RABGAP1L: variants seen among roughly 807,000 people sequenced by gnomAD.
RABGAP1L encodes the protein RAB GTPase activating protein 1 like, also known as rab GTPase-activating protein 1-like.
A neutral mutation model predicts 137.7 loss-of-function variants in RABGAP1L; 63 were observed. That is an observed-to-expected ratio of 0.46 (90% CI 0.37 to 0.56). The LOEUF (loss-of-function observed/expected upper bound fraction) is 0.56, where lower values mean the gene tolerates loss of function less well. Among genes scored for constraint, RABGAP1L ranks in the 20% least tolerant of loss-of-function variants. The probability of loss-of-function intolerance (pLI) is 0.00; values close to 1 mark genes in which losing one functional copy is unlikely to be tolerated. For missense variants in RABGAP1L, 1,095 were observed against 1,244.0 expected, an observed-to-expected ratio of 0.88 and a Z score of 1.80; for synonymous variants, 431 against 433.7, an observed-to-expected ratio of 0.99 and a Z score of 0.08.
intron 13 of RABGAP1L, chr1:174,545,873 G>T (rs1572263752): frequency 1.3e-5 from 2 of 152,234 alleles, no homozygotes; most frequent in South Asian, 2.1e-4. Flanking sequence ...TTTGTGCATG[G>T]TATTATTTAA....
chr1:174,401,618 A>G (rs1263938081), intron 13 of RABGAP1L, among the ~76,000 whole-genome samples: 2 of 152,164 alleles, frequency 1.3e-5, no homozygotes, highest in Non-Finnish European at 2.9e-5. Flanking sequence ...CCTGTTATCT[A>G]CTTGTACCGC....
At chr1:174,890,006 T>C (rs1655852898) in intron 19 of RABGAP1L, among the ~76,000 whole-genome samples, 1 of 152,310 alleles carries the variant, frequency 6.6e-6, no homozygotes, top group Admixed American at 6.5e-5. Flanking sequence ...TCCCAAAGAT[T>C]ACAGGTGTGA....
chr1:174,913,281 A>G (rs1660340142), intron 19 of RABGAP1L, among the ~76,000 whole-genome samples: 1 of 152,100 alleles, frequency 6.6e-6, no homozygotes, highest in African/African-American at 2.4e-5. Context: ...CGACCTCTAC[A>G]TGCTTATTTC....
intron 7 of RABGAP1L, among the ~76,000 whole-genome samples, chr1:174,263,083 C>A (rs1218533008): frequency 3.9e-5 from 6 of 152,210 alleles, no homozygotes; most frequent in African/African-American, 1.4e-4. Flanking sequence ...CTCCTACAGC[C>A]TTCCTGACAC....
chr1:174,665,444 G>A (rs1391858576), intron 14 of RABGAP1L, among the ~76,000 whole-genome samples: 5 of 45,068 alleles, frequency 1.1e-4, no homozygotes, highest in Non-Finnish European at 1.7e-4. Flanking sequence ...GCCCCGCCCC[G>A]CCCCGCCTCG....
At chr1:174,278,361 G>A (rs1481396265) in intron 9 of RABGAP1L, among the ~76,000 whole-genome samples, 1 of 152,130 alleles carries the variant, frequency 6.6e-6, no homozygotes, top group Non-Finnish European at 1.5e-5. Context: ...AGCCAAGATC[G>A]CTCCATTGTA....
chr1:174,238,677 C>T (rs1254454612), intron 4 of RABGAP1L: 3 of 150,338 alleles, frequency 2.0e-5, no homozygotes, highest in African/African-American at 5.0e-5. Flanking sequence ...TCAAAGCTGT[C>T]AGACAGGGAC....
At chr1:174,676,378 G>A (rs1280754572) in intron 14 of RABGAP1L, among the ~76,000 whole-genome samples, 1 of 152,078 alleles carries the variant, frequency 6.6e-6, no homozygotes, top group Non-Finnish European at 1.5e-5. Context: ...AATGTCAGAT[G>A]AAACTGTTAC....
At chr1:174,250,154 A>T (rs1158056065) in intron 5 of RABGAP1L, among the ~76,000 whole-genome samples, 2 of 152,198 alleles carry the variant, frequency 1.3e-5, no homozygotes, top group Non-Finnish European at 1.5e-5. Flanking sequence ...CTGTTAATTT[A>T]CTTCTTAAGC....
intron 10 of RABGAP1L, among the ~76,000 whole-genome samples, chr1:174,303,224 T>G (rs1677887376): frequency 6.6e-6 from 1 of 151,976 alleles, no homozygotes. Flanking sequence ...AAATAACAGG[T>G]CTTGTAGGCA....
chr1:174,955,144 G>A (rs931151204), intron 19 of RABGAP1L, among the ~76,000 whole-genome samples: 9 of 152,198 alleles, frequency 5.9e-5, no homozygotes, highest in Non-Finnish European at 1.3e-4. Flanking sequence ...GGTCTCTGGA[G>A]ATGGAGTAAT....
At chr1:174,331,049 C>A (rs1223627275) in intron 11 of RABGAP1L, among the ~76,000 whole-genome samples, 1 of 152,152 alleles carries the variant, frequency 6.6e-6, no homozygotes, top group Non-Finnish European at 1.5e-5. Context: ...TTACAGCCAA[C>A]TGATGTTTAT....
chr1:174,688,675 T>A (rs1237793998), intron 15 of RABGAP1L, among the ~76,000 whole-genome samples: 1 of 152,114 alleles, frequency 6.6e-6, no homozygotes, highest in African/African-American at 2.4e-5. Context: ...ACTACTAAAA[T>A]GTCCAATATT....
intron 19 of RABGAP1L, among the ~76,000 whole-genome samples, chr1:174,881,797 G>A (rs1391492244): frequency 2.6e-5 from 4 of 151,948 alleles, no homozygotes; most frequent in Admixed American, 2.6e-4. Context: ...ACCATACCTG[G>A]CCTCATTTGC....
intron 20 of RABGAP1L, 67 bp downstream of exon 20, chr1:174,957,616 C>T (rs1340013343): frequency 3.6e-6 from 5 of 1,381,730 alleles, no homozygotes; most frequent in East Asian, 2.5e-5. Flanking sequence ...TGAGTCTTGC[C>T]GTGTTGCCCA....
chr1:174,584,350 C>CT (rs1358534670), intron 13 of RABGAP1L, among the ~76,000 whole-genome samples: 2 of 152,150 alleles, frequency 1.3e-5, no homozygotes, highest in Non-Finnish European at 2.9e-5. Flanking sequence ...CCTGTTTGTG[C>CT]TTTTTACTGG....
intron 14 of RABGAP1L, among the ~76,000 whole-genome samples, chr1:174,662,049 A>G (rs1676406939): frequency 6.6e-6 from 1 of 151,802 alleles, no homozygotes; most frequent in Non-Finnish European, 1.5e-5. Flanking sequence ...AATAACCATA[A>G]AACAGCCTGA....
chr1:174,413,883 C>G (rs1217127744), intron 13 of RABGAP1L, among the ~76,000 whole-genome samples: 1 of 152,108 alleles, frequency 6.6e-6, no homozygotes, highest in Non-Finnish European at 1.5e-5. Context: ...AGGCAGTGTA[C>G]TGATTCTTTG....
chr1:174,738,278 C>T (rs1353651105), intron 17 of RABGAP1L, among the ~76,000 whole-genome samples: 1 of 152,188 alleles, frequency 6.6e-6, no homozygotes, highest in Non-Finnish European at 1.5e-5. Context: ...CAGAAAGACA[C>T]TTCACTGGTT....
Sources: gnomAD v4.1 joint callset for allele counts (sites outside exome capture counted in the v4.1 genomes callset) on GRCh38, gnomAD v4.1.1 for gene constraint, MANE v1.5 for transcripts, NCBI Gene and HGNC (gene_info 2026-07-23, HGNC 2026-07-21) for gene names.